Variants in VWC2 observed in about 807,000 individuals in gnomAD.
VWC2 encodes brorin.
A neutral mutation model predicts 29.8 loss-of-function variants in VWC2; 14 were observed. The ratio of observed to expected loss-of-function variants is 0.47; its 90% confidence interval spans 0.31 to 0.74. VWC2 has a LOEUF of 0.74. Among genes scored for constraint, VWC2 ranks in the 30% least tolerant of loss-of-function variants. The pLI, the probability that VWC2 is intolerant of heterozygous loss-of-function variation, is 0.05. For missense variants in VWC2, 457 were observed against 459.8 expected (o/e 0.99, Z 0.05); for synonymous variants, 213 against 199.0 (o/e 1.07, Z -0.59).
intron 2 of VWC2, among the ~76,000 whole-genome samples, chr7:49,795,095 T>G (rs1331986054): frequency 6.6e-6 from 1 of 152,184 alleles, no homozygotes; most frequent in Admixed American, 6.5e-5. Flanking sequence ...GGAGAGATAA[T>G]GTAGTAAGCC....
In VWC2 at chr7:49,775,572, A is replaced by G; in HGVS notation, c.137A>G (p.Glu46Gly). Residue 46 changes from glutamate (E) to glycine (G), a missense_variant, in exon 2 of 4, where the codon GAG (glutamate) becomes GGG (glycine). Glu to Gly is a moderately conservative substitution (Grantham distance 98). Transcript: ENST00000340652. ...CAGGCACCAGAGCAGCCGGGCCAGG[A>G]GAAGCGTGAGCACGCCTCTCGGGAC... ...LAQAPEQPGQ[E>G]KREHASRDGP... 1 of 1,542,274 alleles carries G rather than the reference A, an allele frequency of 6.5e-7. No individual in the cohort carries two copies. The highest frequency in any genetic ancestry group is 8.7e-7 in the Non-Finnish European group (1 of 1,146,462).
At chr7:49,897,843 C>T (rs1413431741) in intron 3 of VWC2, among the ~76,000 whole-genome samples, 2 of 152,216 alleles carry the variant, frequency 1.3e-5, no homozygotes, top group Non-Finnish European at 2.9e-5. Flanking sequence ...ACAGTTCCCA[C>T]ACTTTGAGTT....
intron 3 of VWC2, among the ~76,000 whole-genome samples, chr7:49,907,278 G>A (rs200131295): frequency 7.4e-4 from 113 of 152,324 alleles, no homozygotes; most frequent in Non-Finnish European, 1.3e-3. Context: ...GAATAGGAAT[G>A]AAGTGGAGAG....
Position 49,912,206 on chromosome 7 carries a change from TCTGA to T in VWC2, c.*24_*27del. The stretch of plus-strand genomic sequence containing the variant: ...TGTAGACGCTTCCCAGAACACAAAC[TCTGA>T]CTTTTTCTAGAACATTTTACTGATG... On this transcript the variant is annotated 3_prime_UTR_variant, in exon 4 of 4. Transcript: ENST00000340652. 1 of 1,612,486 alleles carries T rather than the reference TCTGA, an allele frequency of 6.2e-7. No individual in the cohort carries two copies. The highest frequency in any genetic ancestry group is 8.5e-7 in the Non-Finnish European group (1 of 1,179,102).
rs971321479 is a variant in VWC2 at position 49,913,139 on chromosome 7, G to C, written c.*954G>C. 3 of 152,152 alleles carry C rather than the reference G, an allele frequency of 2.0e-5. No individual in the cohort carries two copies. Among genetic ancestry groups the C allele is most frequent in the African/African-American group, 7.2e-5 (3 of 41,438 alleles). 9.4% of individuals were successfully genotyped at this position (152,152 alleles called of 1,614,324 possible). A position where few individuals can be genotyped will look rare whatever the true frequency, so the allele number is the denominator to read the frequency against. On this transcript the variant is annotated 3_prime_UTR_variant, in exon 4 of 4. Transcript: ENST00000340652. ...TTCAGTGGAATCATATTTGTCATCA[G>C]ACTTGAGTCATCTATCCTCCATAAA...
intron 3 of VWC2, among the ~76,000 whole-genome samples, chr7:49,892,292 C>T (rs1473475060): frequency 6.6e-6 from 1 of 151,736 alleles, no homozygotes; most frequent in African/African-American, 2.4e-5. Flanking sequence ...GTGATCTGCC[C>T]GCCTCGGCCT....
chr7:49,892,031 A>ATTTTT (rs536880676), intron 3 of VWC2, among the ~76,000 whole-genome samples: 7 of 53,290 alleles, frequency 1.3e-4, no homozygotes, highest in Middle Eastern at 0.021. Flanking sequence ...GACAAAGTAG[A>ATTTTT]TTTTTTTTTT....
chr7:49,790,697 C>T (rs1788446254), intron 2 of VWC2, among the ~76,000 whole-genome samples: 1 of 151,774 alleles, frequency 6.6e-6, no homozygotes, highest in South Asian at 2.1e-4. Flanking sequence ...CCTCCCAGCC[C>T]TCAGGGGGTC....
chr7:49,818,825 TATATATATTCAATATATATC>T (rs1476121973), intron 3 of VWC2, among the ~76,000 whole-genome samples: 6 of 147,818 alleles, frequency 4.1e-5, no homozygotes, highest in Non-Finnish European at 8.9e-5. Flanking sequence ...GCCTCCTTTA[TATATATATTCAATATATATC>T]ATATATATTC....
intron 3 of VWC2, among the ~76,000 whole-genome samples, chr7:49,862,645 T>C (rs1265714386): frequency 6.6e-6 from 1 of 151,652 alleles, no homozygotes; most frequent in Non-Finnish European, 1.5e-5. Context: ...CTCTTCCTAC[T>C]TTGATGTGTT....
At chr7:49,807,322 T>C (rs928192065) in intron 3 of VWC2, among the ~76,000 whole-genome samples, 2 of 152,182 alleles carry the variant, frequency 1.3e-5, no homozygotes, top group African/African-American at 4.8e-5. Flanking sequence ...ATACAAAAGC[T>C]AAAGACTGGC....
At chr7:49,845,748 A>C (rs1789926975) in intron 3 of VWC2, among the ~76,000 whole-genome samples, 1 of 152,248 alleles carries the variant, frequency 6.6e-6, no homozygotes, top group African/African-American at 2.4e-5. Flanking sequence ...CCCAGTACAA[A>C]ACAGACATCA....
chr7:49,881,801 A>G (rs959923467), intron 3 of VWC2, among the ~76,000 whole-genome samples: 2 of 152,104 alleles, frequency 1.3e-5, no homozygotes, highest in African/African-American at 4.8e-5. Context: ...TGTATATAAT[A>G]ATAATTAAAA....
chr7:49,828,218 G>C (rs941018886), intron 3 of VWC2, among the ~76,000 whole-genome samples: 1 of 152,108 alleles, frequency 6.6e-6, no homozygotes, highest in Non-Finnish European at 1.5e-5. Flanking sequence ...TTTTGGCTGA[G>C]TAGTATTCCG....
rs181201788 is a variant in VWC2, at chr7:49,905,542, A to T, written c.827-6492A>T. Among the ~76,000 whole-genome samples, 206 of 152,348 alleles carry T rather than the reference A, an allele frequency of 1.4e-3. 2 individuals are homozygous for T. The highest frequency in any genetic ancestry group is 3.4e-3 in the Middle Eastern group (1 of 294). On this transcript the variant is annotated intron_variant, in intron 3 of 3. Coordinates refer to ENST00000340652, the MANE Select transcript of VWC2 (RefSeq NM_198570.5). ...AGGTAAACCTTGATTTCTATCATTT[A>T]AAAAAGAGTTTTATTTATTTGTGTG... is the stretch of plus-strand genomic sequence containing the variant.
chr7:49,870,175 C>T (rs184963296), intron 3 of VWC2, among the ~76,000 whole-genome samples: 132 of 152,088 alleles, frequency 8.7e-4, no homozygotes, highest in Middle Eastern at 3.4e-3. Context: ...CCGAGGTGGG[C>T]GGATCACGAG....
At chr7:49,793,581 C>CT (rs148149339) in intron 2 of VWC2, among the ~76,000 whole-genome samples, 3 of 151,948 alleles carry the variant, frequency 2.0e-5, no homozygotes, top group African/African-American at 7.3e-5. Context: ...TCTTTTGCAA[C>CT]TTTTTTTTCC....
intron 3 of VWC2, among the ~76,000 whole-genome samples, chr7:49,825,581 TG>T (rs1789373370): frequency 1.3e-5 from 2 of 152,338 alleles, no homozygotes; most frequent in African/African-American, 4.8e-5. Flanking sequence ...TGAAGGTTAG[TG>T]GTCAAGCAAA....
intron 3 of VWC2, among the ~76,000 whole-genome samples, chr7:49,882,188 G>C (rs540591115): frequency 1.3e-5 from 2 of 152,120 alleles, no homozygotes; most frequent in African/African-American, 4.8e-5. Flanking sequence ...TAATTTAAAA[G>C]AGAACAAAAC....
Sources: allele counts gnomAD v4.1 joint callset (sites outside exome capture counted in the v4.1 genomes callset), GRCh38; gene constraint gnomAD v4.1.1; transcripts MANE v1.5; gene names NCBI Gene and HGNC (gene_info 2026-07-23, HGNC 2026-07-21).